The following SLC17A9 variants were observed in gnomAD, a reference collection of about 807,000 sequenced individuals.
The protein encoded by SLC17A9 is solute carrier family 17 member 9.
SLC17A9 carries 49 observed loss-of-function variants against 55.0 expected under a neutral mutation model. The ratio of observed to expected loss-of-function variants is 0.89; its 90% CI spans 0.71 to 1.13. The LOEUF (loss-of-function observed/expected upper bound fraction) is 1.13, where lower values mean the gene tolerates loss of function less well. Among genes scored for constraint, SLC17A9 ranks in the 50% most tolerant of loss-of-function variants. SLC17A9 has a pLI of 0.00. For synonymous variants in SLC17A9, 256 were observed against 247.4 expected, an observed-to-expected ratio of 1.03 and a Z score of -0.32; for missense variants, 526 against 569.3, an observed-to-expected ratio of 0.92 and a Z score of 0.77.
chr20:62,953,423 T>G (rs929266082), intron 1 of SLC17A9, among the ~76,000 whole-genome samples: 1 of 152,174 alleles, frequency 6.6e-6, no homozygotes, highest in Admixed American at 6.5e-5. Context: ...GCAGGTCGCC[T>G]GGCCACCAGC....
intron 1 of SLC17A9, among the ~76,000 whole-genome samples, chr20:62,955,150 T>C (rs1282667623): frequency 1.3e-5 from 2 of 151,852 alleles, no homozygotes; most frequent in African/African-American, 4.8e-5. Context: ...TTTTTTTTTT[T>C]GAGATGGAGT....
chr20:62,952,756 C>A lies in SLC17A9; in HGVS notation c.-75C>A. ...ACACGTGGACTTGGGCGGTGCTGCC[C>A]GGGTGGGTCAGCCTGGGCTGGGAGG... On this transcript the variant is annotated 5_prime_UTR_variant, in exon 1 of 13. Coordinates refer to ENST00000370351, the MANE Select transcript of SLC17A9 (RefSeq NM_022082.4). The A allele has an allele frequency of 2.0e-6, 3 of 1,469,310 alleles. No homozygotes were observed. The highest frequency in any genetic ancestry group is 2.4e-4 in the Middle Eastern group (1 of 4,170). The allele number at this position is 1,469,310 out of a possible 1,614,324, so 91.0% of individuals were successfully genotyped here.
intron 11 of SLC17A9, 58 bp from the exon 12 acceptor site, chr20:62,966,645 G>C: frequency 6.2e-7 from 1 of 1,613,740 alleles, no homozygotes. Flanking sequence ...AGCCATGGGG[G>C]ATCCCGGAGG....
intron 4 of SLC17A9, 117 bp downstream of exon 4, chr20:62,960,720 G>A: frequency 1.0e-6 from 1 of 1,004,596 alleles, no homozygotes; most frequent in East Asian, 2.6e-5. Flanking sequence ...CCATGGTGAG[G>A]TGGGTCCCGC....
chr20:62,965,046 C>T, intron 8 of SLC17A9, 86 bp from the exon 9 acceptor site: 1 of 1,515,562 alleles, frequency 6.6e-7, no homozygotes, highest in Admixed American at 1.7e-5. Flanking sequence ...CCTGCTGCCC[C>T]TCTGCAGCCA....
At position 62,962,833 on chromosome 20, in the gene SLC17A9, G is replaced by C; in HGVS notation, c.628+79G>C. 1 of 1,568,234 alleles carries C rather than the reference G, an allele frequency of 6.4e-7. No individual in the cohort carries two copies. Among genetic ancestry groups the C allele is most frequent in the Non-Finnish European group, 8.7e-7 (1 of 1,155,436 alleles). ...CTCCCCTGGTGGCAGCCGCTGAGCA[G>C]CCTGGAGCAGGAGCCCGGAGACGAT... On this transcript the variant is annotated intron_variant, in intron 5 of 12. Coordinates refer to ENST00000370351, the MANE Select transcript of SLC17A9 (RefSeq NM_022082.4). This position sits in a 1 kb window ranked among gnomAD's most constrained non-coding sequence, Gnocchi z 5.5.
At chr20:62,956,120 C>T (rs1168614508) in intron 1 of SLC17A9, among the ~76,000 whole-genome samples, 3 of 152,246 alleles carry the variant, frequency 2.0e-5, no homozygotes, top group Non-Finnish European at 4.4e-5. Flanking sequence ...GAGATCTCGC[C>T]CGGCCTCCCT....
At chr20:62,953,402 G>A (rs1396715545) in intron 1 of SLC17A9, 2 of 1,165,610 alleles carry the variant, frequency 1.7e-6, no homozygotes, top group Admixed American at 2.1e-5. Context: ...GTGGGGAGAA[G>A]CAGGGCCTGG....
At position 62,967,534 on chromosome 20, in the gene SLC17A9, C is replaced by T. The variant is rs370678814; in HGVS notation, c.*34C>T. ...CCCACAGCCTCTCCAAGGACCCAGGCGCCAGCAGCCCCAGGACACAGGGGA... is the reference window on the plus strand; with the variant it reads ...CCCACAGCCTCTCCAAGGACCCAGGTGCCAGCAGCCCCAGGACACAGGGGA... On this transcript the variant is annotated 3_prime_UTR_variant, in exon 13 of 13. Coordinates refer to ENST00000370351, the MANE Select transcript of SLC17A9 (RefSeq NM_022082.4). 2.9e-5 allele frequency: 47 copies of T among 1,602,194 alleles called. No individual in the cohort carries two copies. Among genetic ancestry groups the T allele is most frequent in the South Asian group, 4.4e-5 (4 of 90,054 alleles).
intron 3 of SLC17A9, among the ~76,000 whole-genome samples, chr20:62,959,679 CTA>C: frequency 6.6e-6 from 1 of 152,252 alleles, no homozygotes; most frequent in East Asian, 1.9e-4. Flanking sequence ...AGCCGTGAGC[CTA>C]TGAGTGAGCG....
Position 62,963,385 on chromosome 20 carries a change from T to A in SLC17A9, c.725+16T>A, listed in dbSNP as rs148674848. ...CTGCTGTCTGGTGAGCTGGGACCTG[T>A]GCCACCCCTTGGAGCAGCGGCAGGG... is the stretch of plus-strand genomic sequence containing the variant. On this transcript the variant is annotated intron_variant, in intron 6 of 12. Coordinates refer to ENST00000370351, the MANE Select transcript of SLC17A9 (RefSeq NM_022082.4). The A allele has an allele frequency of 1.2e-6, 2 of 1,611,538 alleles. No individual in the cohort carries two copies. The highest frequency in any genetic ancestry group is 1.3e-5 in the African/African-American group (1 of 75,026).
rs1046795098 is a variant in SLC17A9, at chr20:62,967,845, G to A, written c.*345G>A. 1.8e-4 allele frequency: 34 copies of A among 184,164 alleles called. No homozygotes were observed. Among genetic ancestry groups the A allele is most frequent in the Middle Eastern group, 2.1e-3 (1 of 478 alleles). The allele number at this position is 184,164 out of a possible 1,614,324, so 11.4% of individuals were successfully genotyped here. A position where few individuals can be genotyped will look rare whatever the true frequency, so the allele number is the denominator to read the frequency against. ...CCACGATCTGTTCCGCGTGGTTCCC[G>A]CCAAACCTCCCTCGGTCGCCGTGTT... On this transcript the variant is annotated 3_prime_UTR_variant, in exon 13 of 13. Coordinates refer to ENST00000370351, the MANE Select transcript of SLC17A9 (RefSeq NM_022082.4).
intron 1 of SLC17A9, chr20:62,953,110 G>A: frequency 6.4e-6 from 9 of 1,413,228 alleles, no homozygotes; most frequent in Non-Finnish European, 8.8e-6. Flanking sequence ...CCTGGCAAGT[G>A]CCCTATCCCA....
rs1205501092 is a variant in SLC17A9 at position 62,958,489 on chromosome 20, C to A, written c.397+909C>A. Among the ~76,000 whole-genome samples the A allele has an allele frequency of 4.6e-5, 7 of 152,204 alleles. No individual in the cohort carries two copies. The highest frequency in any genetic ancestry group is 1.4e-4 in the African/African-American group (6 of 41,516). On this transcript the variant is annotated intron_variant, in intron 3 of 12. Transcript: ENST00000370351. The surrounding 1 kb of genome is among the most constrained non-coding windows in gnomAD (Gnocchi z 4.1). ...GTCCCCTGGAGAAACAGCCAGGCCT[C>A]CAGCCTGCAGGGGCCTGCTGGCCCC...
At chr20:62,960,182 C>T (rs2065577094) in intron 3 of SLC17A9, among the ~76,000 whole-genome samples, 2 of 152,196 alleles carry the variant, frequency 1.3e-5, no homozygotes, top group South Asian at 2.1e-4. Flanking sequence ...TGTGTTGGTG[C>T]GAGGACTCTA....
Position 62,952,896 on chromosome 20 carries a change from C to A in SLC17A9, c.59+7C>A. On this transcript the variant is annotated splice_region_variant and intron_variant, in intron 1 of 12. Transcript: ENST00000370351. ...GGGACACCCAGTGGTCCAGGTGTGG[C>A]GGGGGTGAGGGGAGGGGGGGTGGGA... The A allele has an allele frequency of 1.7e-5, 1 of 60,288 alleles. No homozygotes were observed. The allele number at this position is 60,288 out of a possible 1,614,324, so 3.7% of individuals were successfully genotyped here.
In SLC17A9 at chr20:62,962,855, C is replaced by T. The variant is rs1036631344; in HGVS notation, c.628+101C>T. ...GCAGCCTGGAGCAGGAGCCCGGAGA[C>T]GATGGCTTTGACCTCCCAAAGAATC... On this transcript the variant is annotated intron_variant, in intron 5 of 12. Coordinates refer to ENST00000370351, the MANE Select transcript of SLC17A9 (RefSeq NM_022082.4). This position sits in a 1 kb window ranked among gnomAD's most constrained non-coding sequence, Gnocchi z 5.5. 1.5e-5 allele frequency: 22 copies of T among 1,509,672 alleles called. No homozygotes were observed. The highest frequency in any genetic ancestry group is 3.8e-5 in the South Asian group (3 of 79,436). 93.5% of individuals were successfully genotyped at this position (1,509,672 alleles called of 1,614,324 possible). A position where few individuals can be genotyped will look rare whatever the true frequency, so the allele number is the denominator to read the frequency against.
At chr20:62,954,421 C>T (rs1175650764) in intron 1 of SLC17A9, among the ~76,000 whole-genome samples, 1 of 152,270 alleles carries the variant, frequency 6.6e-6, no homozygotes. Context: ...CATGTGACCA[C>T]CTGTTTGCTC....
At chr20:62,963,803 G>C in intron 7 of SLC17A9, 123 bp downstream of exon 7, 1 of 898,648 alleles carries the variant, frequency 1.1e-6, no homozygotes, top group Non-Finnish European at 1.7e-6. Flanking sequence ...GGACTCTGAG[G>C]GTCCTGGCAC....
Sources: allele counts gnomAD v4.1 joint callset (sites outside exome capture counted in the v4.1 genomes callset), GRCh38; gene constraint gnomAD v4.1.1; non-coding constraint Gnocchi (gnomAD v3.1); transcripts MANE v1.5; gene names NCBI Gene and HGNC (gene_info 2026-07-23, HGNC 2026-07-21).